The following FRAS1 variants were observed in gnomAD, a reference collection of about 807,000 sequenced individuals.
FRAS1 encodes Fraser extracellular matrix complex subunit 1.
Under a neutral mutation model 435.2 loss-of-function variants are expected in FRAS1, and 290 were observed. The ratio of observed to expected loss-of-function variants is 0.67; its 90% CI spans 0.61 to 0.73. FRAS1 has a LOEUF of 0.73. Ranked by LOEUF, FRAS1 falls within the 30% of genes least tolerant of loss-of-function variation. The pLI is 0.00. For synonymous variants in FRAS1, 1,800 were observed against 1,851.0 expected (o/e 0.97, Z 0.71); for missense variants, 4,860 against 5,001.5 (o/e 0.97, Z 0.85).
intron 20 of FRAS1, among the ~76,000 whole-genome samples, chr4:78,356,815 C>A (rs1355182466): frequency 6.6e-6 from 1 of 151,984 alleles, no homozygotes; most frequent in Admixed American, 6.6e-5. Flanking sequence ...AAAAAAAATT[C>A]TCATTTAAAT....
At position 78,374,153 on chromosome 4, in the gene FRAS1, G is replaced by A. The variant is rs1731658459; in HGVS notation, c.3053G>A (p.Cys1018Tyr). 1 of 1,606,012 alleles carries A rather than the reference G, an allele frequency of 6.2e-7. No individual in the cohort carries two copies. The highest frequency in any genetic ancestry group is 8.5e-7 in the Non-Finnish European group (1 of 1,174,264). Residue 1018 changes from cysteine (C) to tyrosine (Y), a missense_variant, in exon 25 of 74, where the codon TGT becomes TAT. Cys to Tyr is a radical substitution (Grantham distance 194). Coordinates refer to ENST00000512123, the MANE Select transcript of FRAS1 (RefSeq NM_025074.7). ...YCLQCQGPHECTRCKGPFLLL... is the reference protein window; with the variant it reads ...YCLQCQGPHEYTRCKGPFLLL... Reference sequence around the variant, plus strand: ...CTCCAGTGCCAAGGTCCCCATGAGTGTACCCGCTGCAAAGGGCCATTTCTC... The same window carrying A: ...CTCCAGTGCCAAGGTCCCCATGAGTATACCCGCTGCAAAGGGCCATTTCTC...
chr4:78,206,939 C>G (rs1024212116), intron 2 of FRAS1, among the ~76,000 whole-genome samples: 1 of 152,156 alleles, frequency 6.6e-6, no homozygotes, highest in Non-Finnish European at 1.5e-5. Flanking sequence ...TGATTGTGAC[C>G]TTTCTGAAAG....
intron 2 of FRAS1, among the ~76,000 whole-genome samples, chr4:78,148,077 G>C (rs1040964240): frequency 2.6e-5 from 4 of 152,076 alleles, no homozygotes; most frequent in African/African-American, 9.7e-5. Context: ...AAATCTCAAG[G>C]TCTTCCCTTC....
At chr4:78,159,619 A>G (rs1721048477) in intron 2 of FRAS1, among the ~76,000 whole-genome samples, 3 of 152,164 alleles carry the variant, frequency 2.0e-5, no homozygotes, top group Admixed American at 2.0e-4. Flanking sequence ...GGTGGCTCAC[A>G]CCTGTAATCC....
chr4:78,080,965 C>T (rs1318415637), intron 2 of FRAS1, among the ~76,000 whole-genome samples: 2 of 152,172 alleles, frequency 1.3e-5, no homozygotes, highest in Non-Finnish European at 2.9e-5. Context: ...TGGAGAAACA[C>T]GATCTGTCTG....
At position 78,363,548 on chromosome 4, in the gene FRAS1, C is replaced by T; in HGVS notation, c.2458C>T (p.Leu820Phe). 1 of 1,613,452 alleles carries T rather than the reference C, an allele frequency of 6.2e-7. No individual in the cohort carries two copies. Among genetic ancestry groups the T allele is most frequent in the East Asian group, 2.2e-5 (1 of 44,862 alleles). ...CCTGTGCCAGCACTGTGCAGCTGAT[C>T]TCCACAACACTGGGAGCATCTGCCT... ...HHLCQHCAAD[L>F]HNTGSICLRC... Residue 820 changes from leucine (L) to phenylalanine (F), a missense_variant, in exon 21 of 74, where the codon CTC becomes TTC. Transcript: ENST00000512123.
At chr4:78,278,765 C>A in intron 10 of FRAS1, 21 bp downstream of exon 10, 2 of 1,342,448 alleles carry the variant, frequency 1.5e-6, no homozygotes, top group Non-Finnish European at 2.1e-6. Context: ...GGCTTATAAC[C>A]GAAGATGATT....
rs1179422265 is a variant in FRAS1 at position 78,131,284 on chromosome 4, TG to T, written c.108+65269del. Among the ~76,000 whole-genome samples, 3 of 152,328 alleles carry T rather than the reference TG, an allele frequency of 2.0e-5. No homozygotes were observed. The East Asian group carries it at 5.8e-4, about 29-fold the overall frequency. On this transcript the variant is annotated intron_variant, in intron 2 of 73. Transcript: ENST00000512123. The stretch of plus-strand genomic sequence containing the variant: ...AAGTTTAAATTTATAGGAAACCTCT[TG>T]TCGACTAGATATATTTGATCCAGGC...
chr4:78,210,840 A>G (rs1723472923), intron 2 of FRAS1, among the ~76,000 whole-genome samples: 1 of 152,198 alleles, frequency 6.6e-6, no homozygotes, highest in Admixed American at 6.5e-5. Flanking sequence ...ATAAAATCAC[A>G]GGGCCTGTTA....
intron 2 of FRAS1, among the ~76,000 whole-genome samples, chr4:78,223,689 T>G (rs927614024): frequency 6.6e-6 from 1 of 152,162 alleles, no homozygotes; most frequent in African/African-American, 2.4e-5. Context: ...CAAACAGAGC[T>G]TCAGAATCCT....
At chr4:78,288,855 T>G (rs1300201350) in intron 14 of FRAS1, among the ~76,000 whole-genome samples, 1 of 152,214 alleles carries the variant, frequency 6.6e-6, no homozygotes, top group Non-Finnish European at 1.5e-5. Context: ...TTGGTGACTT[T>G]TCACCACTGA....
intron 38 of FRAS1, among the ~76,000 whole-genome samples, chr4:78,437,347 G>A (rs766024894): frequency 7.2e-5 from 11 of 152,164 alleles, no homozygotes; most frequent in South Asian, 2.1e-4. Flanking sequence ...CAGAGAGAAC[G>A]CACAGTAATA....
chr4:78,482,330 G>T, intron 57 of FRAS1, 58 bp from the exon 58 acceptor site: 1 of 1,603,854 alleles, frequency 6.2e-7, no homozygotes, highest in South Asian at 1.1e-5. Context: ...CCCTAGTCAA[G>T]GTAAATGGGT....
chr4:78,186,810 A>C (rs13101708), intron 2 of FRAS1, among the ~76,000 whole-genome samples: 1 of 152,228 alleles, frequency 6.6e-6, no homozygotes, highest in East Asian at 1.9e-4. Flanking sequence ...ATTGCTTTTC[A>C]GTGTTTTGTC....
At position 78,317,330 on chromosome 4, in the gene FRAS1, A is replaced by G. The variant is rs772908428; in HGVS notation, c.1820-38A>G. ...CAGGAAGTGGGCACTTTATTCACCC[A>G]TGTCCCATGGCGTTCTCCCTCTCAC... On this transcript the variant is annotated intron_variant, in intron 16 of 73. Coordinates refer to ENST00000512123, the MANE Select transcript of FRAS1 (RefSeq NM_025074.7). 7 of 1,612,834 alleles carry G rather than the reference A, an allele frequency of 4.3e-6. No individual in the cohort carries two copies. In the Admixed American group the frequency reaches 8.3e-5, roughly 19 times the overall value.
chr4:78,513,031 G>A (rs1369605475), intron 64 of FRAS1, among the ~76,000 whole-genome samples: 1 of 152,218 alleles, frequency 6.6e-6, no homozygotes, highest in African/African-American at 2.4e-5. Flanking sequence ...CAGAGCAGGG[G>A]AACAGGCCCT....
chr4:78,230,333 G>A (rs1344059762), intron 2 of FRAS1, among the ~76,000 whole-genome samples: 1 of 152,210 alleles, frequency 6.6e-6, no homozygotes, highest in East Asian at 1.9e-4. Flanking sequence ...TGCTCCTCCT[G>A]AAAGGAGATA....
intron 2 of FRAS1, among the ~76,000 whole-genome samples, chr4:78,124,526 C>T (rs1719226595): frequency 6.6e-6 from 1 of 152,108 alleles, no homozygotes; most frequent in Non-Finnish European, 1.5e-5. Context: ...TTCTATTGAT[C>T]AGAATAGTTT....
At chr4:78,165,818 A>T (rs554682175) in intron 2 of FRAS1, among the ~76,000 whole-genome samples, 1 of 152,292 alleles carries the variant, frequency 6.6e-6, no homozygotes, top group South Asian at 2.1e-4. Flanking sequence ...CCAGCAGGCT[A>T]GAGTGGGCTT....
Sources: allele counts gnomAD v4.1 joint callset (sites outside exome capture counted in the v4.1 genomes callset), GRCh38; gene constraint gnomAD v4.1.1; transcripts MANE v1.5; gene names NCBI Gene and HGNC (gene_info 2026-07-23, HGNC 2026-07-21).